GABRA3: variants seen among roughly 807,000 people sequenced by gnomAD.
The protein encoded by GABRA3 is gamma-aminobutyric acid receptor subunit alpha-3.
In GABRA3, 10 loss-of-function variants were observed where a neutral mutation model predicts 30.1. The observed-to-expected ratio is 0.33, with a 90% confidence interval of 0.20 to 0.56. The LOEUF (loss-of-function observed/expected upper bound fraction) is 0.56. GABRA3 is among the 20% of genes least tolerant of loss of function. The probability of loss-of-function intolerance (pLI) is 0.89; values close to 1 mark genes in which losing one functional copy is unlikely to be tolerated. For missense variants in GABRA3, 233 were observed against 392.0 expected (o/e 0.59, Z 3.42); for synonymous variants, 151 against 146.8 (o/e 1.03, Z -0.21).
At chrX:152,373,623 TTC>T (rs1301176166) in intron 1 of GABRA3, among the ~76,000 whole-genome samples, 1 of 111,764 alleles carries the variant, frequency 8.9e-6, no homozygotes, top group Non-Finnish European at 1.9e-5. Flanking sequence ...TGATTTGCAT[TTC>T]TTTTTTTTTA....
intron 1 of GABRA3, among the ~76,000 whole-genome samples, chrX:152,407,334 A>C (rs1053556705): frequency 7.1e-5 from 8 of 111,889 alleles, no homozygotes; most frequent in Non-Finnish European, 1.5e-4. Flanking sequence ...TATTTAGCCC[A>C]ACTAACTTAC....
At chrX:152,360,726 TA>T (rs1204355242) in intron 2 of GABRA3, among the ~76,000 whole-genome samples, 573 of 45,935 alleles carry the variant, frequency 0.012, 3 homozygotes, top group African/African-American at 0.015. Context: ...AAAAAAAAAT[TA>T]AAAAAAAAAA....
intron 1 of GABRA3, among the ~76,000 whole-genome samples, chrX:152,366,657 G>T (rs1279414165): frequency 8.9e-6 from 1 of 112,427 alleles, no homozygotes; most frequent in Non-Finnish European, 1.9e-5. Context: ...CTGTGACAGT[G>T]AAACAAAGAG....
chrX:152,185,476 CCT>C (rs758657155), intron 9 of GABRA3, among the ~76,000 whole-genome samples: 1 of 110,985 alleles, frequency 9.0e-6, no homozygotes, highest in African/African-American at 3.3e-5. Flanking sequence ...CTATTTAAGT[CCT>C]CTCTCTGTCT....
At chrX:152,335,099 A>G (rs1028280632) in intron 3 of GABRA3, among the ~76,000 whole-genome samples, 2 of 111,575 alleles carry the variant, frequency 1.8e-5, no homozygotes, top group African/African-American at 6.5e-5. Flanking sequence ...CTAACTTGGG[A>G]ATAGCACTGC....
At chrX:152,311,330 C>A (rs975298122) in intron 3 of GABRA3, among the ~76,000 whole-genome samples, 1 of 111,852 alleles carries the variant, frequency 8.9e-6, no homozygotes, top group Non-Finnish European at 1.9e-5. Flanking sequence ...CACACCAAAT[C>A]CAGCAACACA....
chrX:152,290,744 T>G (rs1939396523), intron 3 of GABRA3, among the ~76,000 whole-genome samples: 1 of 112,182 alleles, frequency 8.9e-6, no homozygotes, highest in African/African-American at 3.2e-5. Flanking sequence ...CTAGCCAGTT[T>G]TCCCAGCACC....
chrX:152,238,630 T>C (rs1938283574), intron 5 of GABRA3, among the ~76,000 whole-genome samples: 1 of 109,038 alleles, frequency 9.2e-6, no homozygotes. Context: ...TCCTGGACTC[T>C]TTTTGGTTGG....
Position 152,409,295 on chromosome X carries a change from A to G in GABRA3, c.-27+41851T>C, listed in dbSNP as rs139733171. 1.1e-3 allele frequency among the ~76,000 whole-genome samples: 121 copies of G among 111,861 alleles called. 2 individuals are homozygous for G. In the East Asian group the frequency reaches 0.032, roughly 30 times the overall value. ...TAGGAGTTTGAGGTTATAGTGAGCT[A>G]TGATTGCACCACTGCACTCCAGCCA... is the stretch of plus-strand genomic sequence containing the variant. On this transcript the variant is annotated intron_variant, in intron 1 of 9. Transcript: ENST00000370314.
At chrX:152,258,748 A>G (rs1241979774) in intron 4 of GABRA3, among the ~76,000 whole-genome samples, 1 of 112,008 alleles carries the variant, frequency 8.9e-6, no homozygotes, top group Non-Finnish European at 1.9e-5. Context: ...AAATGCAACA[A>G]TAGAAACCAA....
At chrX:152,409,232 G>T (rs1030407144) in intron 1 of GABRA3, among the ~76,000 whole-genome samples, 4 of 110,991 alleles carry the variant, frequency 3.6e-5, no homozygotes, top group African/African-American at 9.9e-5. Context: ...GGTGGTACAT[G>T]CCTGTAGTTT....
intron 5 of GABRA3, among the ~76,000 whole-genome samples, chrX:152,241,070 C>T (rs762030341): frequency 2.7e-5 from 3 of 109,952 alleles, no homozygotes; most frequent in East Asian, 2.9e-4. Flanking sequence ...GGAGAAGAGG[C>T]GCTCTGCGTT....
At chrX:152,355,289 T>C (rs73626628) in intron 2 of GABRA3, among the ~76,000 whole-genome samples, 1,348 of 111,730 alleles carry the variant, frequency 0.012, 25 homozygotes, top group African/African-American at 0.042. Context: ...ATATTTCGTT[T>C]GCCTTTTCAC....
intron 1 of GABRA3, among the ~76,000 whole-genome samples, chrX:152,419,539 ATAACT>A (rs1930323058): frequency 9.0e-6 from 1 of 111,249 alleles, no homozygotes; most frequent in Non-Finnish European, 1.9e-5. Context: ...CTTTGAAAAC[ATAACT>A]TAAAACTGAC....
chrX:152,392,069 G>A lies in GABRA3; in HGVS notation c.-26-27473C>T. 2.5e-5 allele frequency: 6 copies of A among 238,698 alleles called. No homozygotes were observed. In the South Asian group the frequency reaches 3.1e-4, roughly 12 times the overall value. 19.7% of individuals were successfully genotyped at this position (238,698 alleles called of 1,213,427 possible). On this transcript the variant is annotated intron_variant, in intron 1 of 9. Transcript: ENST00000370314. The stretch of plus-strand genomic sequence containing the variant: ...CTCAAGAATTTCAAACTATTAAATA[G>A]GAGAACTGGGATTTAAGTCCAAGCA...
chrX:152,433,203 T>G (rs1034095330), intron 1 of GABRA3, among the ~76,000 whole-genome samples: 1 of 109,957 alleles, frequency 9.1e-6, no homozygotes, highest in Non-Finnish European at 1.9e-5. Flanking sequence ...TGGAGACACA[T>G]TAGAAACAAT....
In GABRA3 at chrX:152,168,558, T is replaced by C. The variant is rs1192517905; in HGVS notation, c.1149A>G (p.Lys383=). ...TTTTCTTTGCTGGGGCTGCTGGTGT[T>C]TTCTTCTAGAGGCCAGGAAAAAGAG... is the stretch of plus-strand genomic sequence containing the variant. ...KVPEALEMKK[K]TPAAPAKKTS... The change falls in exon 10 of 10, where the codon AAA becomes AAG. Residue 383 remains lysine, a synonymous_variant. Coordinates refer to ENST00000370314, the MANE Select transcript of GABRA3 (RefSeq NM_000808.4). 11 of 1,198,077 alleles carry C rather than the reference T, an allele frequency of 9.2e-6. No homozygotes were observed. The African/African-American group carries it at 1.9e-4, about 21-fold the overall frequency.
chrX:152,169,029 C>T (rs1224386308), intron 9 of GABRA3, among the ~76,000 whole-genome samples: 1 of 112,017 alleles, frequency 8.9e-6, no homozygotes. Context: ...AAAACTCAGC[C>T]TCAGACTAAG....
At chrX:152,429,761 G>T (rs1204465524) in intron 1 of GABRA3, among the ~76,000 whole-genome samples, 1 of 111,728 alleles carries the variant, frequency 9.0e-6, no homozygotes, top group Non-Finnish European at 1.9e-5. Context: ...CTCCTCCTGA[G>T]GTAACCATTG....
Sources: allele counts gnomAD v4.1 joint callset (sites outside exome capture counted in the v4.1 genomes callset), GRCh38; gene constraint gnomAD v4.1.1; transcripts MANE v1.5; gene names NCBI Gene and HGNC (gene_info 2026-07-23, HGNC 2026-07-21).